Variants in EVI5 observed in about 807,000 individuals in gnomAD.
EVI5 encodes the protein ecotropic viral integration site 5 protein homolog.
In EVI5, 73 loss-of-function variants were observed where a neutral mutation model predicts 112.0. The observed-to-expected ratio is 0.65, with a 90% CI of 0.54 to 0.79. EVI5 has a LOEUF of 0.79. Ranked by LOEUF, EVI5 falls within the 30% of genes least tolerant of loss-of-function variation. The pLI, the probability that EVI5 is intolerant of heterozygous loss-of-function variation, is 0.00. For missense variants in EVI5, 900 were observed against 968.8 expected (o/e 0.93, Z 0.94); for synonymous variants, 305 against 319.9 (o/e 0.95, Z 0.50).
intron 9 of EVI5, among the ~76,000 whole-genome samples, chr1:92,684,051 A>C (rs1416408733): frequency 2.6e-5 from 4 of 152,166 alleles, no homozygotes; most frequent in African/African-American, 9.7e-5. Context: ...AAAACAGAGA[A>C]CACCACAAAG....
chr1:92,686,752 T>C (rs866785089), intron 9 of EVI5, among the ~76,000 whole-genome samples: 3 of 151,744 alleles, frequency 2.0e-5, no homozygotes, highest in Non-Finnish European at 4.4e-5. Context: ...ACACCAATAA[T>C]AGACAAACAG....
chr1:92,654,493 A>G (rs181958076), intron 13 of EVI5, among the ~76,000 whole-genome samples: 112 of 152,356 alleles, frequency 7.4e-4, no homozygotes, highest in Non-Finnish European at 1.4e-3. Flanking sequence ...CCCAGAACAT[A>G]CATTGTAGTT....
chr1:92,745,277 C>T (rs1479700975), intron 1 of EVI5, among the ~76,000 whole-genome samples: 5 of 152,116 alleles, frequency 3.3e-5, no homozygotes, highest in South Asian at 2.1e-4. Flanking sequence ...CTGAGAAATG[C>T]TGCTCAGTTG....
At chr1:92,737,105 T>C (rs565010406) in intron 1 of EVI5, among the ~76,000 whole-genome samples, 2 of 152,242 alleles carry the variant, frequency 1.3e-5, no homozygotes, top group African/African-American at 4.8e-5. Context: ...TGACTAACAA[T>C]TCAACAAAAA....
intron 9 of EVI5, among the ~76,000 whole-genome samples, chr1:92,682,518 T>C (rs768866740): frequency 2.0e-5 from 3 of 152,046 alleles, no homozygotes; most frequent in Non-Finnish European, 4.4e-5. Flanking sequence ...TCCCAGCACT[T>C]TGGGAGGCCG....
rs1490042423 is a variant in EVI5 at position 92,725,055 on chromosome 1, G to A, written c.149+11343C>T. Reference sequence around the variant, plus strand: ...TAAACCATATTTCAGGTACTCAATGGCAGTGAGACCAAGGTGTCTAGAGTT... The same window carrying A: ...TAAACCATATTTCAGGTACTCAATGACAGTGAGACCAAGGTGTCTAGAGTT... On this transcript the variant is annotated intron_variant, in intron 2 of 19. Transcript: ENST00000684568. Among the ~76,000 whole-genome samples the A allele has an allele frequency of 2.0e-5, 3 of 152,110 alleles. No homozygotes were observed. In the South Asian group the frequency reaches 6.2e-4, roughly 32 times the overall value.
intron 1 of EVI5, among the ~76,000 whole-genome samples, chr1:92,750,254 CAT>C (rs1679970527): frequency 6.6e-6 from 1 of 152,026 alleles, no homozygotes; most frequent in South Asian, 2.1e-4. Context: ...ATTAAACAGA[CAT>C]AAACAGAAAA....
intron 17 of EVI5, among the ~76,000 whole-genome samples, chr1:92,605,944 G>A (rs183860193): frequency 6.6e-6 from 1 of 152,022 alleles, no homozygotes; most frequent in Non-Finnish European, 1.5e-5. Flanking sequence ...CTTTGTTCCC[G>A]AATTATTCCA....
Position 92,636,795 on chromosome 1 carries a change from A to T in EVI5, c.1393-459T>A, listed in dbSNP as rs187577778. ...GGATTTTGAAGAATTAATATGAAAT[A>T]AAAAAATCTCAATGATTTTTATATT... On this transcript the variant is annotated intron_variant, in intron 13 of 19. Coordinates refer to ENST00000684568, the MANE Select transcript of EVI5 (RefSeq NM_001350197.2). Among the ~76,000 whole-genome samples, 408 of 152,310 alleles carry T rather than the reference A, an allele frequency of 2.7e-3. 3 individuals are homozygous for T. The highest frequency in any genetic ancestry group is 9.0e-3 in the African/African-American group (373 of 41,562).
At chr1:92,633,442 C>T (rs1299291189) in intron 14 of EVI5, among the ~76,000 whole-genome samples, 2 of 152,126 alleles carry the variant, frequency 1.3e-5, no homozygotes, top group Non-Finnish European at 2.9e-5. Flanking sequence ...TTCTTTGTCT[C>T]TTTTGATCTT....
chr1:92,756,261 A>C (rs1261692543), intron 1 of EVI5: 1 of 433,478 alleles, frequency 2.3e-6, no homozygotes, highest in Admixed American at 2.8e-5. Flanking sequence ...CATTTCATTG[A>C]ATTTGTTCTC....
At chr1:92,580,494 A>AG (rs138019414) in intron 18 of EVI5, 1,947 of 157,672 alleles carry the variant, frequency 0.012, 47 homozygotes, top group African/African-American at 0.043. Flanking sequence ...TTGGTTTTGT[A>AG]GGCTCAGTAT....
intron 7 of EVI5, among the ~76,000 whole-genome samples, chr1:92,694,608 C>T (rs113070713): frequency 9.9e-5 from 15 of 152,040 alleles, no homozygotes; most frequent in Non-Finnish European, 1.5e-4. Flanking sequence ...CAGACATACA[C>T]GACATATAAA....
intron 14 of EVI5, among the ~76,000 whole-genome samples, chr1:92,630,561 G>A (rs1482430183): frequency 2.6e-5 from 4 of 151,070 alleles, no homozygotes; most frequent in Admixed American, 6.7e-5. Flanking sequence ...GTAGATTCTG[G>A]ATATTAGCCC....
chr1:92,735,743 CAT>C (rs1237941155), intron 2 of EVI5, among the ~76,000 whole-genome samples: 2 of 129,078 alleles, frequency 1.5e-5, no homozygotes, highest in African/African-American at 5.6e-5. Context: ...ATAATATAAT[CAT>C]ATTAAAATAT....
chr1:92,673,624 G>A (rs374543967), intron 10 of EVI5, among the ~76,000 whole-genome samples: 6 of 152,002 alleles, frequency 3.9e-5, no homozygotes, highest in South Asian at 2.1e-4. Flanking sequence ...GAGCCACCGC[G>A]CCCGGCCAAA....
intron 19 of EVI5, among the ~76,000 whole-genome samples, chr1:92,523,279 A>G (rs1223686790): frequency 6.6e-6 from 1 of 152,198 alleles, no homozygotes; most frequent in Non-Finnish European, 1.5e-5. Flanking sequence ...TCTAACAATC[A>G]TTAAAATATG....
chr1:92,585,027 C>T (rs576755402), intron 18 of EVI5, among the ~76,000 whole-genome samples: 35 of 152,154 alleles, frequency 2.3e-4, no homozygotes, highest in African/African-American at 8.4e-4. Context: ...TGTTCGAGAC[C>T]AGTTTGGCCA....
chr1:92,771,155 C>T (rs560007175), intron 1 of EVI5, among the ~76,000 whole-genome samples: 7 of 151,950 alleles, frequency 4.6e-5, no homozygotes, highest in African/African-American at 1.4e-4. Flanking sequence ...ACATTCCAGC[C>T]GCTTCCTCCC....
Sources: gnomAD v4.1 joint callset for allele counts (sites outside exome capture counted in the v4.1 genomes callset) on GRCh38, gnomAD v4.1.1 for gene constraint, MANE v1.5 for transcripts, NCBI Gene and HGNC (gene_info 2026-07-23, HGNC 2026-07-21) for gene names.